TUBA4B: variants seen among roughly 807,000 people sequenced by gnomAD.
The protein encoded by TUBA4B is tubulin-like protein alpha-4B.
A neutral mutation model predicts 18.4 loss-of-function variants in TUBA4B; 13 were observed. The observed-to-expected ratio is 0.71, with a 90% CI of 0.46 to 1.12. The LOEUF (loss-of-function observed/expected upper bound fraction) is 1.12, where lower values mean the gene tolerates loss of function less well. Ranked by LOEUF, TUBA4B falls within the 50% of genes most tolerant of loss-of-function variation. The pLI is 0.00. For synonymous variants in TUBA4B, 101 were observed against 99.1 expected (o/e 1.02, Z -0.11); for missense variants, 244 against 250.0 (o/e 0.98, Z 0.16).
intron 1 of TUBA4B, 33 bp downstream of exon 1, chr2:219,253,452 G>A (rs1337733728): frequency 6.8e-7 from 1 of 1,463,262 alleles, no homozygotes; most frequent in Non-Finnish European, 9.3e-7. Context: ...CTAGCGCCAA[G>A]CACGTGCTCG....
chr2:219,257,890 C>G (rs1276569333), intron 1 of TUBA4B, among the ~76,000 whole-genome samples: 1 of 151,166 alleles, frequency 6.6e-6, no homozygotes, highest in East Asian at 1.9e-4. Flanking sequence ...GTTGCCCAAG[C>G]TGGTCTAGAG....
intron 2 of TUBA4B, among the ~76,000 whole-genome samples, 193 bp downstream of exon 2, chr2:219,266,759 G>A (rs886259013): frequency 3.3e-5 from 5 of 152,086 alleles, no homozygotes; most frequent in Non-Finnish European, 7.4e-5. Context: ...GGCATCACAG[G>A]GGGTAGGGAA....
intron 1 of TUBA4B, among the ~76,000 whole-genome samples, chr2:219,265,346 C>A (rs1402093906): frequency 6.6e-6 from 1 of 152,166 alleles, no homozygotes; most frequent in African/African-American, 2.4e-5. Context: ...GTGCCTTAAG[C>A]ATAAAGCAGA....
chr2:219,255,046 TTCTC>T lies in TUBA4B; in HGVS notation c.12+1643_12+1646del, dbSNP rs369713142. Among the ~76,000 whole-genome samples, 259 of 149,924 alleles carry T rather than the reference TTCTC, an allele frequency of 1.7e-3. 1 individual carries two copies. The highest frequency in any genetic ancestry group is 3.3e-3 in the African/African-American group (136 of 40,988). Reference sequence around the variant, plus strand: ...TTTTCAAGCTACTTCTGCTTTCTCTTTCTCTCTCTCTCTCTCTCTTTTGAGTCAG... The same window carrying T: ...TTTTCAAGCTACTTCTGCTTTCTCTTTCTCTCTCTCTCTCTTTTGAGTCAG... On this transcript the variant is annotated intron_variant, in intron 1 of 3. Transcript: ENST00000490341.
chr2:219,264,077 G>A (rs1159494018), intron 1 of TUBA4B, among the ~76,000 whole-genome samples: 5 of 152,248 alleles, frequency 3.3e-5, no homozygotes, highest in Admixed American at 2.6e-4. Context: ...TGAAATGGCG[G>A]ATAGTACTGA....
intron 1 of TUBA4B, among the ~76,000 whole-genome samples, chr2:219,265,627 A>G (rs1425121571): frequency 6.6e-6 from 1 of 151,678 alleles, no homozygotes; most frequent in Non-Finnish European, 1.5e-5. Flanking sequence ...ACAGAGCAAG[A>G]CTCCTTCTCA....
chr2:219,268,752 C>A (rs1309933561), intron 2 of TUBA4B, among the ~76,000 whole-genome samples: 1 of 152,068 alleles, frequency 6.6e-6, no homozygotes, highest in Non-Finnish European at 1.5e-5. Context: ...GAGAAGTCAT[C>A]CTCATTAAAC....
intron 1 of TUBA4B, chr2:219,253,941 C>T: frequency 5.0e-6 from 6 of 1,194,790 alleles, no homozygotes; most frequent in Non-Finnish European, 6.5e-6. Context: ...GCCGCACCGC[C>T]CTTATAGGCG....
intron 1 of TUBA4B, 162 bp from the exon 2 acceptor site, chr2:219,266,359 C>T (rs1359400514): frequency 5.1e-6 from 3 of 590,644 alleles, no homozygotes; most frequent in Non-Finnish European, 9.1e-6. Context: ...GGGTGCAGGC[C>T]CAGAGCTTGC....
intron 1 of TUBA4B, among the ~76,000 whole-genome samples, chr2:219,255,046 T>TTCTC (rs369713142): frequency 1.2e-4 from 18 of 149,940 alleles, no homozygotes; most frequent in South Asian, 1.1e-3. Flanking sequence ...TGCTTTCTCT[T>TTCTC]TCTCTCTCTC....
chr2:219,257,614 C>G (rs1391251787), intron 1 of TUBA4B, among the ~76,000 whole-genome samples: 2 of 132,200 alleles, frequency 1.5e-5, no homozygotes, highest in East Asian at 2.3e-4. Context: ...TGCACTCCAG[C>G]CTGGGCAATA....
chr2:219,253,952 G>T (rs899360049), intron 1 of TUBA4B: 1 of 1,158,494 alleles, frequency 8.6e-7, no homozygotes, highest in South Asian at 2.5e-5. Flanking sequence ...CTTATAGGCG[G>T]GGGGGGGGCG....
intron 1 of TUBA4B, among the ~76,000 whole-genome samples, chr2:219,255,489 T>TC (rs1951711139): frequency 6.6e-6 from 1 of 152,156 alleles, no homozygotes; most frequent in African/African-American, 2.4e-5. Context: ...TGCTTCAGCC[T>TC]CCCAAAGTGC....
intron 1 of TUBA4B, among the ~76,000 whole-genome samples, chr2:219,262,228 G>A (rs534642193): frequency 9.2e-5 from 14 of 152,278 alleles, no homozygotes; most frequent in East Asian, 1.9e-4. Context: ...GGAGAATGGC[G>A]TGAACCCAGG....
chr2:219,254,056 G>T, intron 1 of TUBA4B: 1 of 489,858 alleles, frequency 2.0e-6, no homozygotes, highest in Non-Finnish European at 3.6e-6. Flanking sequence ...GGCGGAGCCT[G>T]GCCTGGTACC....
intron 1 of TUBA4B, among the ~76,000 whole-genome samples, chr2:219,263,415 C>A (rs1362453560): frequency 6.6e-6 from 1 of 152,186 alleles, no homozygotes; most frequent in African/African-American, 2.4e-5. Flanking sequence ...ATTGCCTGAA[C>A]CCAGGAGGAG....
At chr2:219,253,466 A>G (rs1421442210) in intron 1 of TUBA4B, 47 bp downstream of exon 1, 2 of 1,391,512 alleles carry the variant, frequency 1.4e-6, no homozygotes, top group South Asian at 2.5e-5. Flanking sequence ...GTGCTCGGTC[A>G]GTGCTGAGGA....
intron 2 of TUBA4B, among the ~76,000 whole-genome samples, chr2:219,267,001 T>G (rs1951794311): frequency 6.6e-6 from 1 of 152,076 alleles, no homozygotes; most frequent in Non-Finnish European, 1.5e-5. Flanking sequence ...CATGGAAGCT[T>G]CTCCCCTCTG....
chr2:219,266,342 CCT>C (rs1008032208), intron 1 of TUBA4B, 177 bp from the exon 2 acceptor site: 9 of 577,322 alleles, frequency 1.6e-5, no homozygotes, highest in Admixed American at 3.2e-5. Context: ...AGCTGGCTCC[CCT>C]GTTTGGGTGC....
Sources: allele counts gnomAD v4.1 joint callset (sites outside exome capture counted in the v4.1 genomes callset), GRCh38; gene constraint gnomAD v4.1.1; transcripts MANE v1.5; gene names NCBI Gene and HGNC (gene_info 2026-07-23, HGNC 2026-07-21).